TMPRSS11D: variants seen among roughly 807,000 people sequenced by gnomAD.
TMPRSS11D encodes transmembrane protease serine 11D.
Under a neutral mutation model 44.4 loss-of-function variants are expected in TMPRSS11D, and 32 were observed. That is an observed-to-expected ratio of 0.72 (90% CI 0.54 to 0.97). The LOEUF (loss-of-function observed/expected upper bound fraction) is 0.97, where lower values mean the gene tolerates loss of function less well. Ranked by LOEUF, TMPRSS11D falls within the 50% of genes least tolerant of loss-of-function variation. The pLI is 0.00. For synonymous variants in TMPRSS11D, 179 were observed against 177.9 expected, an observed-to-expected ratio of 1.01 and a Z score of -0.05; for missense variants, 446 against 502.6, an observed-to-expected ratio of 0.89 and a Z score of 1.08.
intron 4 of TMPRSS11D, among the ~76,000 whole-genome samples, chr4:67,841,231 G>A (rs1190047800): frequency 6.6e-6 from 1 of 152,124 alleles, no homozygotes; most frequent in Non-Finnish European, 1.5e-5. Flanking sequence ...GGCAGTGAAG[G>A]CCAAGGAAAG....
intron 1 of TMPRSS11D, among the ~76,000 whole-genome samples, chr4:67,860,148 A>T (rs193219187): frequency 6.6e-6 from 1 of 152,150 alleles, no homozygotes; most frequent in Admixed American, 6.6e-5. Flanking sequence ...TGGGGTGGTG[A>T]GGGGGTCAGG....
chr4:67,864,256 TTATAG>T (rs1178883829), intron 1 of TMPRSS11D, among the ~76,000 whole-genome samples: 1 of 151,966 alleles, frequency 6.6e-6, no homozygotes, highest in Non-Finnish European at 1.5e-5. Flanking sequence ...ACAGGTAACT[TTATAG>T]TAAAGAAGAG....
chr4:67,832,818 C>T (rs1248703406), intron 7 of TMPRSS11D, among the ~76,000 whole-genome samples: 6 of 151,734 alleles, frequency 4.0e-5, no homozygotes, highest in African/African-American at 7.3e-5. Context: ...TAACATTTAA[C>T]GTATGTTTAC....
intron 2 of TMPRSS11D, among the ~76,000 whole-genome samples, chr4:67,856,931 A>G (rs1718651002): frequency 6.6e-6 from 1 of 152,174 alleles, no homozygotes; most frequent in African/African-American, 2.4e-5. Context: ...ACCCACAATG[A>G]GATATCATCT....
At position 67,846,910 on chromosome 4, in the gene TMPRSS11D, A is replaced by AT. The variant is rs35544443; in HGVS notation, c.250-4286dup. On this transcript the variant is annotated intron_variant, in intron 3 of 9. Coordinates refer to ENST00000283916, the MANE Select transcript of TMPRSS11D (RefSeq NM_004262.3). ...TAGCATGAATTTTATCTAAAAAGTG[A>AT]TTTTTTTTTTTTTGAGACAGAGTCT... Among the ~76,000 whole-genome samples, 1,002 of 145,520 alleles carry AT rather than the reference A, an allele frequency of 6.9e-3. 17 individuals are homozygous for AT. The highest frequency in any genetic ancestry group is 0.024 in the African/African-American group (959 of 40,096).
At chr4:67,833,451 C>T in intron 6 of TMPRSS11D, 70 bp from the exon 7 acceptor site, 1 of 1,319,150 alleles carries the variant, frequency 7.6e-7, no homozygotes, top group Non-Finnish European at 9.9e-7. Flanking sequence ...GCTGAAGAGT[C>T]TTTCCATAAT....
chr4:67,847,372 A>G (rs1202821172), intron 3 of TMPRSS11D, among the ~76,000 whole-genome samples: 2 of 152,228 alleles, frequency 1.3e-5, no homozygotes, highest in East Asian at 3.8e-4. Flanking sequence ...TCATTATCTT[A>G]CTGTTCATTA....
chr4:67,867,936 C>G (rs950804166), intron 1 of TMPRSS11D, among the ~76,000 whole-genome samples: 5 of 152,082 alleles, frequency 3.3e-5, no homozygotes, highest in Non-Finnish European at 7.4e-5. Context: ...AAAAATAGAA[C>G]TACCCTTTGA....
At chr4:67,883,563 G>A (rs1654528312) in intron 1 of TMPRSS11D, among the ~76,000 whole-genome samples, 1 of 143,732 alleles carries the variant, frequency 7.0e-6, no homozygotes, top group African/African-American at 2.5e-5. Flanking sequence ...CAGAATCCTC[G>A]AAAAGTTCCA....
intron 1 of TMPRSS11D, among the ~76,000 whole-genome samples, chr4:67,867,157 G>T (rs1300893993): frequency 6.6e-6 from 1 of 151,958 alleles, no homozygotes; most frequent in Non-Finnish European, 1.5e-5. Context: ...AAACAGAATA[G>T]AGAACCCAGA....
chr4:67,860,679 G>A (rs531453464), intron 1 of TMPRSS11D, among the ~76,000 whole-genome samples: 40 of 152,098 alleles, frequency 2.6e-4, no homozygotes, highest in African/African-American at 7.5e-4. Context: ...AATATTTATC[G>A]CCTGTGTTAA....
rs1346707490 is a variant in TMPRSS11D, at chr4:67,825,893, G to A, written c.953-19C>T. Reference sequence around the variant, plus strand: ...GTGTGGCCTGTTTGTTATAAAAGCAGGAAAAAAATGGACTTCAAGATGTGT... The same window carrying A: ...GTGTGGCCTGTTTGTTATAAAAGCAAGAAAAAAATGGACTTCAAGATGTGT... On this transcript the variant is annotated intron_variant, in intron 8 of 9. Coordinates refer to ENST00000283916, the MANE Select transcript of TMPRSS11D (RefSeq NM_004262.3). 36 of 1,588,602 alleles carry A rather than the reference G, an allele frequency of 2.3e-5. No homozygotes were observed. Among genetic ancestry groups the A allele is most frequent in the Admixed American group, 1.4e-4 (8 of 56,688 alleles).
chr4:67,878,839 T>A (rs577947131), intron 1 of TMPRSS11D, among the ~76,000 whole-genome samples: 3 of 152,082 alleles, frequency 2.0e-5, no homozygotes, highest in Admixed American at 2.0e-4. Flanking sequence ...GGCAGGAGAA[T>A]CACTTGAACC....
chr4:67,825,875 CTGTT>C lies in TMPRSS11D; in HGVS notation c.953-5_953-2del, dbSNP rs1395439619. ...TGCCTTAGCTCTGGAACTGTGTGGCCTGTTTGTTATAAAAGCAGGAAAAAAATGG... is the reference window on the plus strand; with the variant it reads ...TGCCTTAGCTCTGGAACTGTGTGGCCTGTTATAAAAGCAGGAAAAAAATGG... On this transcript the variant is annotated splice_acceptor_variant and splice_polypyrimidine_tract_variant and intron_variant, in intron 8 of 9. Coordinates refer to ENST00000283916, the MANE Select transcript of TMPRSS11D (RefSeq NM_004262.3). LOFTEE classifies it high-confidence loss of function. 2 of 1,605,344 alleles carry C rather than the reference CTGTT, an allele frequency of 1.2e-6. No homozygotes were observed. The highest frequency in any genetic ancestry group is 1.7e-6 in the Non-Finnish European group (2 of 1,174,798).
intron 1 of TMPRSS11D, among the ~76,000 whole-genome samples, chr4:67,878,564 T>A (rs1426811323): frequency 6.6e-6 from 1 of 152,162 alleles, no homozygotes; most frequent in Non-Finnish European, 1.5e-5. Flanking sequence ...GTGCTGTATA[T>A]CTAGCACCTA....
chr4:67,876,377 A>G (rs1019420751), intron 1 of TMPRSS11D, among the ~76,000 whole-genome samples: 3 of 152,056 alleles, frequency 2.0e-5, no homozygotes, highest in African/African-American at 7.2e-5. Context: ...TATATGTAGA[A>G]CCTAACTTTG....
chr4:67,844,498 G>T (rs1718311852), intron 3 of TMPRSS11D, among the ~76,000 whole-genome samples: 1 of 152,012 alleles, frequency 6.6e-6, no homozygotes, highest in Non-Finnish European at 1.5e-5. Flanking sequence ...GTCAGGCCAG[G>T]CACAGTGGCT....
At chr4:67,838,049 G>T in intron 5 of TMPRSS11D, 123 bp downstream of exon 5, 1 of 793,684 alleles carries the variant, frequency 1.3e-6, no homozygotes, top group Non-Finnish European at 1.8e-6. Flanking sequence ...GCTTTTTAAT[G>T]GATTGTTTTC....
intron 3 of TMPRSS11D, among the ~76,000 whole-genome samples, chr4:67,846,094 C>A (rs1430904112): frequency 6.6e-6 from 1 of 152,064 alleles, no homozygotes; most frequent in East Asian, 1.9e-4. Context: ...TCTGTTACAA[C>A]TTTCTCTTTC....
Sources: gnomAD v4.1 joint callset for allele counts (sites outside exome capture counted in the v4.1 genomes callset) on GRCh38, gnomAD v4.1.1 for gene constraint, MANE v1.5 for transcripts, NCBI Gene and HGNC (gene_info 2026-07-23, HGNC 2026-07-21) for gene names.